The following LRP1B variants were observed in gnomAD, a reference collection of about 807,000 sequenced individuals.
The protein encoded by LRP1B is LDL receptor related protein 1B.
In LRP1B, 217 loss-of-function variants were observed where a neutral mutation model predicts 556.6. That is an observed-to-expected ratio of 0.39 (90% CI 0.35 to 0.44). The LOEUF (loss-of-function observed/expected upper bound fraction) is 0.44. LRP1B is among the 20% of genes least tolerant of loss of function. The pLI is 1.00. For missense variants in LRP1B, 5,053 were observed against 5,620.8 expected, an observed-to-expected ratio of 0.90 and a Z score of 3.23; for synonymous variants, 2,047 against 1,865.8, an observed-to-expected ratio of 1.10 and a Z score of -2.50.
rs1271792900 is a variant in LRP1B, at chr2:140,694,479, T to C, written c.6799+5771A>G. Among the ~76,000 whole-genome samples the C allele has an allele frequency of 2.6e-5, 4 of 152,232 alleles. No individual in the cohort carries two copies. In the East Asian group the frequency reaches 5.8e-4, roughly 22 times the overall value. On this transcript the variant is annotated intron_variant, in intron 41 of 90. Coordinates refer to ENST00000389484, the MANE Select transcript of LRP1B (RefSeq NM_018557.3). ...TGCAGATAGTGTCTACTACTTCTGG[T>C]AGCATCTTAAGATTTTCCCTTTTTC...
At chr2:141,782,111 C>G (rs1276658490) in intron 2 of LRP1B, among the ~76,000 whole-genome samples, 3 of 152,086 alleles carry the variant, frequency 2.0e-5, no homozygotes, top group African/African-American at 4.8e-5. Flanking sequence ...AATTATTCAG[C>G]TAGAAAAATG....
At chr2:141,240,397 G>A (rs563732746) in intron 5 of LRP1B, among the ~76,000 whole-genome samples, 7 of 151,308 alleles carry the variant, frequency 4.6e-5, no homozygotes, top group African/African-American at 7.3e-5. Flanking sequence ...CTGTCTACTC[G>A]GATTTTAAGG....
chr2:140,568,952 C>T (rs1415054476), intron 43 of LRP1B, among the ~76,000 whole-genome samples: 2 of 151,970 alleles, frequency 1.3e-5, no homozygotes, highest in Non-Finnish European at 2.9e-5. Flanking sequence ...TGAGGGAATT[C>T]ATTATCACCA....
At chr2:140,686,351 C>T (rs748692379) in intron 41 of LRP1B, among the ~76,000 whole-genome samples, 4 of 151,774 alleles carry the variant, frequency 2.6e-5, no homozygotes, top group Admixed American at 1.3e-4. Context: ...AAACTCAAGG[C>T]AGGGAAAGCA....
rs557809909 is a variant in LRP1B at position 140,878,355 on chromosome 2, T to C, written c.4169+5462A>G. On this transcript the variant is annotated intron_variant, in intron 25 of 90. Transcript: ENST00000389484. ...AAGATAAGATTGTTTTGTATAAAAATATTAATTATCTGAAAATATTAGCAC... is the reference window on the plus strand; with the variant it reads ...AAGATAAGATTGTTTTGTATAAAAACATTAATTATCTGAAAATATTAGCAC... Among the ~76,000 whole-genome samples the C allele has an allele frequency of 3.6e-4, 55 of 152,284 alleles. No individual in the cohort carries two copies. The South Asian group carries it at 9.5e-3, about 26-fold the overall frequency.
intron 15 of LRP1B, among the ~76,000 whole-genome samples, chr2:141,003,314 A>T (rs1697478219): frequency 1.3e-5 from 2 of 152,060 alleles, no homozygotes; most frequent in Admixed American, 1.3e-4. Flanking sequence ...TTGGGGTCTA[A>T]ATTCCAAATG....
At chr2:141,285,764 T>C (rs1391328282) in intron 3 of LRP1B, among the ~76,000 whole-genome samples, 12 of 141,474 alleles carry the variant, frequency 8.5e-5, no homozygotes, top group African/African-American at 3.0e-4. Flanking sequence ...CCAAGAATAA[T>C]AATATTTTTA....
intron 37 of LRP1B, among the ~76,000 whole-genome samples, chr2:140,711,576 C>T (rs1231029061): frequency 8.0e-6 from 1 of 124,242 alleles, no homozygotes; most frequent in Non-Finnish European, 1.8e-5. Flanking sequence ...TTCTTTACTA[C>T]CCGTACATTA....
At chr2:140,823,723 T>C (rs1356386865) in intron 31 of LRP1B, among the ~76,000 whole-genome samples, 1 of 151,658 alleles carries the variant, frequency 6.6e-6, no homozygotes, top group Non-Finnish European at 1.5e-5. Flanking sequence ...TAAATATAGT[T>C]TATATATAAA....
chr2:140,783,107 T>G (rs540272280), intron 32 of LRP1B, among the ~76,000 whole-genome samples: 2 of 152,126 alleles, frequency 1.3e-5, no homozygotes, highest in Non-Finnish European at 2.9e-5. Context: ...TTAAAGGCTG[T>G]TGCAATACAT....
chr2:140,541,035 T>C lies in LRP1B; in HGVS notation c.7451A>G (p.Asn2484Ser), dbSNP rs2105016958. ...GCHDLCLLTP[N>S]GRVNCSCRGD... ...TCTGCAGGAACAATTCACTCTCCCA[T>C]TGGGAGTTAAAAGGCACAAGTCATG... Residue 2484 changes from asparagine (N) to serine (S), a missense_variant, in exon 45 of 91, where the codon AAT becomes AGT. Asn to Ser is a conservative substitution (Grantham distance 46). Around this residue, in one of 5 missense-constraint regions of LRP1B, gnomAD observed 3,619 missense variants for 3,931.9 expected, o/e 0.92. Coordinates refer to ENST00000389484, the MANE Select transcript of LRP1B (RefSeq NM_018557.3). 6.2e-7 allele frequency: 1 copy of C among 1,611,664 alleles called. No individual in the cohort carries two copies. The highest frequency in any genetic ancestry group is 8.5e-7 in the Non-Finnish European group (1 of 1,178,308).
chr2:142,052,935 C>A (rs770263036), intron 1 of LRP1B, among the ~76,000 whole-genome samples: 1 of 152,066 alleles, frequency 6.6e-6, no homozygotes, highest in African/African-American at 2.4e-5. Flanking sequence ...TCTGCTTTGT[C>A]GGCATGAAGT....
At chr2:140,353,401 G>C (rs1022478695) in intron 75 of LRP1B, among the ~76,000 whole-genome samples, 1 of 151,922 alleles carries the variant, frequency 6.6e-6, no homozygotes, top group Admixed American at 6.6e-5. Context: ...ATGGATACAA[G>C]TGCAGGTTTG....
intron 77 of LRP1B, among the ~76,000 whole-genome samples, chr2:140,345,534 C>G (rs959681463): frequency 6.6e-6 from 1 of 150,820 alleles, no homozygotes; most frequent in South Asian, 2.1e-4. Flanking sequence ...TTCTTTTCCT[C>G]CTTTCTATTC....
intron 1 of LRP1B, among the ~76,000 whole-genome samples, chr2:141,863,324 T>A (rs139358941): frequency 1.3e-5 from 2 of 152,124 alleles, no homozygotes; most frequent in East Asian, 3.9e-4. Context: ...AGAGTTTATA[T>A]TGTGGTGGCG....
At chr2:142,091,041 G>A (rs1224849518) in intron 1 of LRP1B, among the ~76,000 whole-genome samples, 1 of 152,074 alleles carries the variant, frequency 6.6e-6, no homozygotes, top group Non-Finnish European at 1.5e-5. Flanking sequence ...CATTGGTTAT[G>A]AGAGAGACTA....
intron 3 of LRP1B, among the ~76,000 whole-genome samples, chr2:141,460,138 C>T (rs1013551020): frequency 3.9e-5 from 6 of 152,128 alleles, no homozygotes; most frequent in African/African-American, 7.2e-5. Flanking sequence ...ATTGACAATG[C>T]GTTACATTCA....
At chr2:140,330,487 T>TA (rs1162513395) in intron 79 of LRP1B, among the ~76,000 whole-genome samples, 1 of 151,976 alleles carries the variant, frequency 6.6e-6, no homozygotes, top group African/African-American at 2.4e-5. Flanking sequence ...AGTTTGTATT[T>TA]AATAAATGGT....
intron 3 of LRP1B, among the ~76,000 whole-genome samples, chr2:141,479,649 C>T (rs564472660): frequency 3.9e-5 from 6 of 152,244 alleles, no homozygotes; most frequent in African/African-American, 1.4e-4. Context: ...ATCCTGCAGC[C>T]TGATTCACTT....
Sources: allele counts gnomAD v4.1 joint callset (sites outside exome capture counted in the v4.1 genomes callset), GRCh38; gene constraint gnomAD v4.1.1; regional missense constraint gnomAD v4.1.1; transcripts MANE v1.5; gene names NCBI Gene and HGNC (gene_info 2026-07-23, HGNC 2026-07-21).